Variants in NFIB observed in about 807,000 individuals in gnomAD.
NFIB encodes the protein nuclear factor I B.
A neutral mutation model predicts 61.5 loss-of-function variants in NFIB; 11 were observed. The observed-to-expected ratio is 0.18, with a 90% CI of 0.11 to 0.30. NFIB has a LOEUF of 0.30. Ranked by LOEUF, NFIB falls within the 10% of genes least tolerant of loss-of-function variation. NFIB has a pLI of 1.00. For synonymous variants in NFIB, 260 were observed against 216.5 expected (o/e 1.20, Z -1.76); for missense variants, 471 against 608.9 (o/e 0.77, Z 2.38).
chr9:14,439,221 A>T, the NFIB span, among the ~76,000 whole-genome samples: 1 of 152,140 alleles, frequency 6.6e-6, no homozygotes, highest in Non-Finnish European at 1.5e-5. Context: ...AAATAAAAAG[A>T]TAGCCAGGCA....
intron 2 of NFIB, among the ~76,000 whole-genome samples, chr9:14,283,227 G>A (rs1394569083): frequency 6.6e-6 from 1 of 152,104 alleles, no homozygotes. Context: ...CTGTGACTCC[G>A]GACTAGGGGC....
chr9:14,403,104 G>A (rs187197415), upstream of NFIB, among the ~76,000 whole-genome samples: 2 of 152,174 alleles, frequency 1.3e-5, no homozygotes, highest in East Asian at 3.9e-4. Context: ...TGTTTGAGCA[G>A]AACATTTCTT....
chr9:14,419,658 G>A, the NFIB span, among the ~76,000 whole-genome samples: 2 of 152,172 alleles, frequency 1.3e-5, no homozygotes, highest in South Asian at 2.1e-4. Context: ...AGACATTTCA[G>A]TATGGTCCTC....
chr9:14,143,347 G>C (rs1444173494), intron 6 of NFIB, among the ~76,000 whole-genome samples: 1 of 151,672 alleles, frequency 6.6e-6, no homozygotes, highest in Non-Finnish European at 1.5e-5. Context: ...ATAATAATTT[G>C]GTCATATTAT....
intron 2 of NFIB, among the ~76,000 whole-genome samples, chr9:14,302,744 G>T (rs1172481617): frequency 7.3e-6 from 1 of 136,958 alleles, no homozygotes; most frequent in Middle Eastern, 3.2e-3. Flanking sequence ...CCCGCCCCCC[G>T]ACTCCCACCA....
At chr9:14,107,035 G>C (rs2036660102) in intron 10 of NFIB, among the ~76,000 whole-genome samples, 1 of 151,858 alleles carries the variant, frequency 6.6e-6, no homozygotes, top group African/African-American at 2.4e-5. Context: ...TATGTTTTAT[G>C]TTTTCTTGTG....
chr9:14,346,110 AGGGGGGCGCGCCGCGGGCGC>A (rs1370045452), intron 1 of NFIB, among the ~76,000 whole-genome samples: 30 of 152,142 alleles, frequency 2.0e-4, no homozygotes, highest in South Asian at 1.0e-3. Context: ...AGCCACGGGA[AGGGGGGCGCGCCGCGGGCGC>A]GGGGGGCGCG....
the NFIB span, among the ~76,000 whole-genome samples, chr9:14,430,050 A>G: frequency 9.8e-5 from 15 of 152,352 alleles, no homozygotes; most frequent in African/African-American, 3.6e-4. Flanking sequence ...ATATTGTAAT[A>G]TAAACCCTTT....
chr9:14,171,427 T>G (rs189304131), intron 3 of NFIB, among the ~76,000 whole-genome samples: 61 of 152,346 alleles, frequency 4.0e-4, no homozygotes, highest in Non-Finnish European at 5.6e-4. Context: ...TAAACTTGTG[T>G]GCACACATCT....
chr9:14,252,273 A>G (rs1456587995), intron 2 of NFIB, among the ~76,000 whole-genome samples: 1 of 152,190 alleles, frequency 6.6e-6, no homozygotes, highest in Non-Finnish European at 1.5e-5. Flanking sequence ...ATGCCTTAAA[A>G]ACCTTGAAAT....
intron 10 of NFIB, chr9:14,093,311 G>A (rs1282341722): frequency 2.0e-5 from 3 of 151,980 alleles, no homozygotes; most frequent in East Asian, 1.9e-4. Flanking sequence ...TTTTTCAGGG[G>A]AACAATAGTA....
intron 10 of NFIB, among the ~76,000 whole-genome samples, chr9:14,108,096 T>C (rs2036830533): frequency 1.3e-5 from 2 of 152,218 alleles, no homozygotes; most frequent in South Asian, 2.1e-4. Flanking sequence ...TGAAACTTCC[T>C]TTAAATGTGT....
chr9:14,277,769 T>C (rs1448092990), intron 2 of NFIB, among the ~76,000 whole-genome samples: 1 of 152,212 alleles, frequency 6.6e-6, no homozygotes, highest in Non-Finnish European at 1.5e-5. Context: ...TCATCCTTAC[T>C]CTAAGGCTAT....
chr9:14,186,962 G>A (rs1375595810), intron 2 of NFIB, among the ~76,000 whole-genome samples: 13 of 149,934 alleles, frequency 8.7e-5, no homozygotes, highest in African/African-American at 3.2e-4. Context: ...TAAATGTTTG[G>A]GAAATGGTTT....
intron 1 of NFIB, among the ~76,000 whole-genome samples, chr9:14,381,552 T>C (rs2061489733): frequency 6.6e-6 from 1 of 152,222 alleles, no homozygotes; most frequent in African/African-American, 2.4e-5. Context: ...TTTGGACCAA[T>C]GTCTGGGAAT....
At chr9:14,414,427 G>C in the NFIB span, among the ~76,000 whole-genome samples, 1 of 115,048 alleles carries the variant, frequency 8.7e-6, no homozygotes, top group Admixed American at 1.0e-4. Context: ...GAGTGAGACT[G>C]TCTCAAAAAA....
At chr9:14,224,141 G>C (rs552577306) in intron 2 of NFIB, among the ~76,000 whole-genome samples, 5 of 152,164 alleles carry the variant, frequency 3.3e-5, no homozygotes, top group Non-Finnish European at 5.9e-5. Flanking sequence ...CAGCTTTTAA[G>C]ATATTTCTGG....
At chr9:14,162,274 G>T (rs1384462908) in intron 3 of NFIB, among the ~76,000 whole-genome samples, 4 of 151,872 alleles carry the variant, frequency 2.6e-5, no homozygotes, top group African/African-American at 9.7e-5. Flanking sequence ...ATCTGAAAAA[G>T]TACTCACTTA....
At chr9:14,379,937 C>G (rs1564044455) in intron 1 of NFIB, among the ~76,000 whole-genome samples, 2 of 152,088 alleles carry the variant, frequency 1.3e-5, no homozygotes, top group Non-Finnish European at 2.9e-5. Context: ...CCCACTTCAG[C>G]CTCCCAAAGT....
Sources: gnomAD v4.1 joint callset for allele counts (sites outside exome capture counted in the v4.1 genomes callset) on GRCh38, gnomAD v4.1.1 for gene constraint, MANE v1.5 for transcripts, NCBI Gene and HGNC (gene_info 2026-07-23, HGNC 2026-07-21) for gene names.